Variants in FRMD3 observed in about 807,000 individuals in gnomAD.
FRMD3 encodes the protein FERM domain-containing protein 3.
In FRMD3, 33 loss-of-function variants were observed where a neutral mutation model predicts 70.2. That is an observed-to-expected ratio of 0.47 (90% CI 0.36 to 0.63). The LOEUF (loss-of-function observed/expected upper bound fraction) is 0.63, where lower values mean the gene tolerates loss of function less well. Among genes scored for constraint, FRMD3 ranks in the 20% least tolerant of loss-of-function variants. The pLI, the probability that FRMD3 is intolerant of heterozygous loss-of-function variation, is 0.00. For synonymous variants in FRMD3, 279 were observed against 255.9 expected (o/e 1.09, Z -0.86); for missense variants, 632 against 711.4 (o/e 0.89, Z 1.27).
At chr9:83,581,281 G>C in the FRMD3 span, among the ~76,000 whole-genome samples, 1 of 151,982 alleles carries the variant, frequency 6.6e-6, no homozygotes, top group South Asian at 2.1e-4. Flanking sequence ...AATAATAAAA[G>C]GGCAACCCAG....
the FRMD3 span, among the ~76,000 whole-genome samples, chr9:83,564,416 C>T: frequency 6.6e-6 from 1 of 152,166 alleles, no homozygotes; most frequent in Non-Finnish European, 1.5e-5. Context: ...GGCCAACAGC[C>T]TCAATCTCTC....
intron 1 of FRMD3, among the ~76,000 whole-genome samples, chr9:83,456,749 G>T (rs1369132891): frequency 6.6e-6 from 1 of 152,210 alleles, no homozygotes; most frequent in Non-Finnish European, 1.5e-5. Flanking sequence ...GGAGGCCAAG[G>T]TGGGCAGATA....
chr9:83,377,234 A>G (rs556758865), intron 2 of FRMD3, among the ~76,000 whole-genome samples: 23 of 152,338 alleles, frequency 1.5e-4, no homozygotes, highest in Middle Eastern at 3.4e-3. Context: ...ATTATCATAC[A>G]TTCAAAAAAT....
chr9:83,283,916 C>G (rs758825648), intron 13 of FRMD3, among the ~76,000 whole-genome samples: 1 of 152,112 alleles, frequency 6.6e-6, no homozygotes, highest in Non-Finnish European at 1.5e-5. Context: ...TTTTCATGCA[C>G]CAGTGTTTTC....
At chr9:83,362,484 G>A (rs930341088) in intron 3 of FRMD3, among the ~76,000 whole-genome samples, 2 of 152,068 alleles carry the variant, frequency 1.3e-5, no homozygotes, top group Non-Finnish European at 2.9e-5. Flanking sequence ...CAGAGGCTGG[G>A]GGTTCCTGCC....
chr9:83,545,346 G>GTT, the FRMD3 span, among the ~76,000 whole-genome samples: 2 of 117,294 alleles, frequency 1.7e-5, no homozygotes, highest in African/African-American at 3.0e-5. Flanking sequence ...GAAAAGTGTT[G>GTT]TTTTTTTTTG....
At chr9:83,433,565 T>C (rs1260629698) in intron 1 of FRMD3, among the ~76,000 whole-genome samples, 1 of 152,228 alleles carries the variant, frequency 6.6e-6, no homozygotes, top group African/African-American at 2.4e-5. Context: ...GTGCACTTTA[T>C]TTCTATTATT....
At chr9:83,526,460 C>G (rs572297016) in intron 1 of FRMD3, among the ~76,000 whole-genome samples, 7 of 152,344 alleles carry the variant, frequency 4.6e-5, no homozygotes, top group Admixed American at 4.6e-4. Context: ...TTACACCAAG[C>G]AAGCAAGAGA....
chr9:83,331,996 C>T (rs1823391454), intron 6 of FRMD3: 3 of 670,874 alleles, frequency 4.5e-6, no homozygotes, highest in Non-Finnish European at 8.2e-6. Context: ...TGTGGCTCAA[C>T]ATCTGGCAAA....
intron 3 of FRMD3, among the ~76,000 whole-genome samples, chr9:83,352,835 C>G (rs898121452): frequency 6.6e-6 from 1 of 152,272 alleles, no homozygotes; most frequent in South Asian, 2.1e-4. Flanking sequence ...TTGATTTACC[C>G]TGAGTTTACA....
intron 1 of FRMD3, among the ~76,000 whole-genome samples, chr9:83,496,466 A>G (rs909803539): frequency 6.6e-6 from 1 of 152,164 alleles, no homozygotes; most frequent in African/African-American, 2.4e-5. Context: ...AACTACCCCA[A>G]TGTTTTAAAA....
the FRMD3 span, among the ~76,000 whole-genome samples, chr9:83,551,115 G>T: frequency 2.0e-5 from 3 of 152,106 alleles, no homozygotes; most frequent in Non-Finnish European, 4.4e-5. Context: ...CTGAGTGTTT[G>T]TCATAGATGG....
intron 1 of FRMD3, among the ~76,000 whole-genome samples, chr9:83,472,185 A>G (rs1008578631): frequency 8.5e-5 from 13 of 152,166 alleles, no homozygotes; most frequent in Admixed American, 4.6e-4. Flanking sequence ...CCATGGTCAA[A>G]TAAGTATAGG....
chr9:83,320,000 T>C (rs568331137), intron 6 of FRMD3, among the ~76,000 whole-genome samples: 21 of 152,370 alleles, frequency 1.4e-4, no homozygotes, highest in African/African-American at 4.1e-4. Flanking sequence ...TTTCTGCATA[T>C]ATATCTTGTA....
chr9:83,372,030 C>T (rs12337462), intron 3 of FRMD3, among the ~76,000 whole-genome samples: 22,651 of 152,146 alleles, frequency 0.15, 1,839 homozygotes, highest in East Asian at 0.3. Flanking sequence ...CCTTGAATGA[C>T]GACAAGTGAC....
intron 13 of FRMD3, among the ~76,000 whole-genome samples, chr9:83,277,517 A>G (rs557762906): frequency 6.6e-6 from 1 of 152,220 alleles, no homozygotes; most frequent in Non-Finnish European, 1.5e-5. Context: ...GGCACATGCC[A>G]TTACCCTTGG....
At chr9:83,522,641 G>A (rs951558725) in intron 1 of FRMD3, among the ~76,000 whole-genome samples, 26 of 148,684 alleles carry the variant, frequency 1.7e-4, no homozygotes, top group African/African-American at 6.2e-4. Context: ...TCGGCTCACT[G>A]CAAGCTCCGC....
intron 1 of FRMD3, among the ~76,000 whole-genome samples, chr9:83,457,561 C>T (rs563175722): frequency 6.6e-6 from 1 of 152,332 alleles, no homozygotes; most frequent in African/African-American, 2.4e-5. Context: ...GACTTTAAAA[C>T]ATCTCTAGAT....
At chr9:83,477,742 T>G (rs915363811) in intron 1 of FRMD3, among the ~76,000 whole-genome samples, 1 of 152,132 alleles carries the variant, frequency 6.6e-6, no homozygotes, top group Non-Finnish European at 1.5e-5. Flanking sequence ...CTTAGCTGCT[T>G]GACTAATTGA....
Sources: gnomAD v4.1 joint callset for allele counts (sites outside exome capture counted in the v4.1 genomes callset) on GRCh38, gnomAD v4.1.1 for gene constraint, MANE v1.5 for transcripts, NCBI Gene and HGNC (gene_info 2026-07-23, HGNC 2026-07-21) for gene names.